Variants in KATNB1 observed in about 807,000 individuals in gnomAD.
KATNB1 encodes katanin p80 WD40 repeat-containing subunit B1.
KATNB1 carries 38 observed loss-of-function variants against 82.3 expected under a neutral mutation model. The observed-to-expected ratio is 0.46, with a 90% confidence interval of 0.36 to 0.61. KATNB1 has a LOEUF of 0.61. Among genes scored for constraint, KATNB1 ranks in the 20% least tolerant of loss-of-function variants. The pLI, the probability that KATNB1 is intolerant of heterozygous loss-of-function variation, is 0.00. For missense variants in KATNB1, 749 were observed against 915.7 expected (o/e 0.82, Z 2.35); for synonymous variants, 361 against 368.7 (o/e 0.98, Z 0.24).
rs781819158 is a variant in KATNB1 at position 57,751,907 on chromosome 16, G to A, written c.517-33G>A. ...GGAGGGTGGGCAGCCAAGATGCCTG[G>A]TCACCCTGACCTCCTCCCTGCCCTG... On this transcript the variant is annotated intron_variant, in intron 7 of 19. Coordinates refer to ENST00000379661, the MANE Select transcript of KATNB1 (RefSeq NM_005886.3). The surrounding 1 kb of genome is among the most constrained non-coding windows in gnomAD (Gnocchi z 6.3). 1.3e-6 allele frequency: 2 copies of A among 1,556,402 alleles called. No homozygotes were observed. The highest frequency in any genetic ancestry group is 2.2e-5 in the South Asian group (2 of 89,366).
In KATNB1 at chr16:57,752,781, C is replaced by G. The variant is rs781979251; in HGVS notation, c.708C>G (p.Ser236Arg). 2 of 1,609,766 alleles carry G rather than the reference C, an allele frequency of 1.2e-6. No homozygotes were observed. Among genetic ancestry groups the G allele is most frequent in the Non-Finnish European group, 1.7e-6 (2 of 1,179,258 alleles). ...CIEGEPGPVR[S>R]VLFNPDGCCL... Reference sequence around the variant, plus strand: ...GGCCATCTCTCGCCTGGCCCAGGAGCGTCCTCTTCAACCCAGACGGCTGCT... The same window carrying G: ...GGCCATCTCTCGCCTGGCCCAGGAGGGTCCTCTTCAACCCAGACGGCTGCT... The change falls in exon 10 of 20, where the codon AGC (serine) becomes AGG (arginine). Residue 236 changes from serine (S) to arginine (R), a missense_variant. Ser to Arg is a moderately radical substitution (Grantham distance 110). Coordinates refer to ENST00000379661, the MANE Select transcript of KATNB1 (RefSeq NM_005886.3).
In KATNB1 at chr16:57,757,024, T is replaced by C. The variant is rs1260611770; in HGVS notation, c.*78T>C. ...CCACTCCTGTTCCTTGTGCACCCAC[T>C]GGCCCATGAGCCTCTGCCTGGCCCC... On this transcript the variant is annotated 3_prime_UTR_variant, in exon 20 of 20. Transcript: ENST00000379661. The C allele has an allele frequency of 5.0e-6, 7 of 1,387,082 alleles. No homozygotes were observed. Among genetic ancestry groups the C allele is most frequent in the Non-Finnish European group, 6.6e-6 (7 of 1,065,368 alleles). The allele number at this position is 1,387,082 out of a possible 1,614,324, so 85.9% of individuals were successfully genotyped here.
At position 57,755,195 on chromosome 16, in the gene KATNB1, C is replaced by A; in HGVS notation, c.1373C>A (p.Thr458Asn). ...PKAEPAIIPA[T>N]RNEPIGLKAS... ...GCTGAGCCTGCCATCATCCCTGCCA[C>A]CCGGAACGAGCCCATCGGGCTGAAG... The change falls in exon 15 of 20, where the codon ACC (threonine) becomes AAC (asparagine). Residue 458 changes from threonine to asparagine, a missense_variant. Physicochemically the swap from Thr to Asn is moderately conservative, Grantham distance 65. Transcript: ENST00000379661. The A allele has an allele frequency of 6.2e-7, 1 of 1,612,218 alleles. No homozygotes were observed. The highest frequency in any genetic ancestry group is 1.1e-5 in the South Asian group (1 of 91,078).
At chr16:57,741,162 G>A (rs1248484863) in intron 2 of KATNB1, among the ~76,000 whole-genome samples, 1 of 152,330 alleles carries the variant, frequency 6.6e-6, no homozygotes, top group Non-Finnish European at 1.5e-5. Context: ...TTGTCTAGAG[G>A]TGACTTCGGT....
intron 4 of KATNB1, among the ~76,000 whole-genome samples, chr16:57,744,740 G>T (rs1555580915): frequency 7.0e-6 from 1 of 143,392 alleles, no homozygotes; most frequent in Non-Finnish European, 1.5e-5. Flanking sequence ...TGTGTGTTTG[G>T]ATGTATGTGT....
chr16:57,755,972 C>T lies in KATNB1; in HGVS notation c.1644-20C>T. ...AGGGGCAGGGCTGGGCTGATGGCAG[C>T]ATGTCCTGGCCTCTCCTAGCTCCCT... is the stretch of plus-strand genomic sequence containing the variant. On this transcript the variant is annotated intron_variant, in intron 17 of 19. Coordinates refer to ENST00000379661, the MANE Select transcript of KATNB1 (RefSeq NM_005886.3). 1 of 1,613,192 alleles carries T rather than the reference C, an allele frequency of 6.2e-7. No individual in the cohort carries two copies. The highest frequency in any genetic ancestry group is 8.5e-7 in the Non-Finnish European group (1 of 1,179,706).
chr16:57,756,334 CT>C, intron 18 of KATNB1, 21 bp from the exon 19 acceptor site: 1 of 1,600,114 alleles, frequency 6.2e-7, no homozygotes, highest in Non-Finnish European at 8.6e-7. Flanking sequence ...CCATCTGTGA[CT>C]TCATCCATCT....
intron 4 of KATNB1, among the ~76,000 whole-genome samples, 193 bp downstream of exon 4, chr16:57,744,704 T>A (rs1208947457): frequency 3.4e-5 from 5 of 149,126 alleles, no homozygotes; most frequent in African/African-American, 1.2e-4. Flanking sequence ...CTCGTGTGGG[T>A]GGGGGGATGT....
chr16:57,747,071 G>A (rs1335957885), intron 4 of KATNB1, among the ~76,000 whole-genome samples: 1 of 152,110 alleles, frequency 6.6e-6, no homozygotes, highest in Non-Finnish European at 1.5e-5. Flanking sequence ...TAGTAGAGAC[G>A]GGGTTTCTCC....
In KATNB1 at chr16:57,751,638, CAG is replaced by C; in HGVS notation, c.433-2_433-1del. ...GGTGAGCTCATGCCGTGTCCTCCCTCAGGGGCACAGCCAGGCCGTGCGGTGTC... is the reference window on the plus strand; with the variant it reads ...GGTGAGCTCATGCCGTGTCCTCCCTCGGGCACAGCCAGGCCGTGCGGTGTC... On this transcript the variant is annotated splice_acceptor_variant, in intron 6 of 19. Coordinates refer to ENST00000379661, the MANE Select transcript of KATNB1 (RefSeq NM_005886.3). LOFTEE classifies it high-confidence loss of function. The surrounding 1 kb of genome is among the most constrained non-coding windows in gnomAD (Gnocchi z 6.3). 1 of 1,610,812 alleles carries C rather than the reference CAG, an allele frequency of 6.2e-7. No homozygotes were observed. The highest frequency in any genetic ancestry group is 8.5e-7 in the Non-Finnish European group (1 of 1,179,918).
At chr16:57,749,501 T>C (rs1394521989) in intron 4 of KATNB1, among the ~76,000 whole-genome samples, 1 of 152,180 alleles carries the variant, frequency 6.6e-6, no homozygotes, top group African/African-American at 2.4e-5. Context: ...ATATATGGAA[T>C]CTTGAATACC....
Position 57,751,421 on chromosome 16 carries a change from A to G in KATNB1, c.432+119A>G. On this transcript the variant is annotated intron_variant, in intron 6 of 19. Coordinates refer to ENST00000379661, the MANE Select transcript of KATNB1 (RefSeq NM_005886.3). This position sits in a 1 kb window ranked among gnomAD's most constrained non-coding sequence, Gnocchi z 6.3. Reference sequence around the variant, plus strand: ...CTGTCCCACATGGGTGATAACATAAAACATAGACCTGGAGCTGAGCAGGAG... The same window carrying G: ...CTGTCCCACATGGGTGATAACATAAGACATAGACCTGGAGCTGAGCAGGAG... 2 of 1,118,634 alleles carry G rather than the reference A, an allele frequency of 1.8e-6. No individual in the cohort carries two copies. Among genetic ancestry groups the G allele is most frequent in the East Asian group, 4.8e-5 (2 of 41,602 alleles). The allele number at this position is 1,118,634 out of a possible 1,614,324, so 69.3% of individuals were successfully genotyped here. A position where few individuals can be genotyped will look rare whatever the true frequency, so the allele number is the denominator to read the frequency against.
At chr16:57,750,548 C>T (rs1177611093) in intron 4 of KATNB1, among the ~76,000 whole-genome samples, 1 of 152,142 alleles carries the variant, frequency 6.6e-6, no homozygotes, top group Non-Finnish European at 1.5e-5. Context: ...ATTGCTTGAA[C>T]CCGGGAGGCA....
chr16:57,751,715 C>T lies in KATNB1; in HGVS notation c.507C>T (p.His169=), dbSNP rs781866079. Residue 169 remains histidine, a synonymous_variant, in exon 7 of 20, where the codon CAC becomes CAT. Coordinates refer to ENST00000379661, the MANE Select transcript of KATNB1 (RefSeq NM_005886.3). The surrounding 1 kb of genome is among the most constrained non-coding windows in gnomAD (Gnocchi z 6.3). ...GGTTGGCGTCGGCCGCAGATGACCA[C>T]ACCGTGAAGGTAGCTCCCGGCCTGA... ...GKWLASAADD[H]TVKLWDLTAG... is the part of the protein sequence containing the mutation. 87 of 1,609,884 alleles carry T rather than the reference C, an allele frequency of 5.4e-5. No individual in the cohort carries two copies. Among genetic ancestry groups the T allele is most frequent in the Non-Finnish European group, 7.0e-5 (83 of 1,179,994 alleles).
At chr16:57,754,823 T>G in intron 13 of KATNB1, 107 bp from the exon 14 acceptor site, 1 of 1,174,222 alleles carries the variant, frequency 8.5e-7, no homozygotes, top group South Asian at 1.3e-5. Flanking sequence ...CCCATGCTCC[T>G]GCTCCATCCC....
rs375814930 is a variant in KATNB1 at position 57,752,537 on chromosome 16, C to T, written c.640C>T (p.Arg214Cys). 22 of 1,564,880 alleles carry T rather than the reference C, an allele frequency of 1.4e-5. No individual in the cohort carries two copies. Among genetic ancestry groups the T allele is most frequent in the African/African-American group, 2.7e-5 (2 of 74,234 alleles). ...GCTTGGCTGCCTTTGCAGGACAATC[C>T]GCTTCTGGGACCTGGAGAAGTTCCA... is the stretch of plus-strand genomic sequence containing the variant. ...LASGSSDRTI[R>C]FWDLEKFQVV... The change falls in exon 9 of 20, where the codon CGC (arginine) becomes TGC (cysteine). Residue 214 changes from arginine to cysteine, a missense_variant. This residue lies in a region of KATNB1 where 247 missense variants were observed against 349.4 expected (regional missense o/e 0.71). Transcript: ENST00000379661.
intron 13 of KATNB1, 42 bp from the exon 14 acceptor site, chr16:57,754,887 GC>G (rs1567903267): frequency 6.2e-7 from 1 of 1,608,048 alleles, no homozygotes. Flanking sequence ...TTCTTGCCAG[GC>G]CCTTCTGGCC....
chr16:57,741,842 G>A (rs782652522), intron 3 of KATNB1, 25 bp downstream of exon 3: 4 of 1,607,504 alleles, frequency 2.5e-6, no homozygotes, highest in East Asian at 2.2e-5. Flanking sequence ...CTGGCGGGGG[G>A]TCAGGACAAG....
At position 57,741,841 on chromosome 16, in the gene KATNB1, G is replaced by C. The variant is rs782368148; in HGVS notation, c.171+24G>C. 2.4e-5 allele frequency: 39 copies of C among 1,607,644 alleles called. 1 individual carries two copies. The South Asian group carries it at 4.2e-4, about 17-fold the overall frequency. On this transcript the variant is annotated intron_variant, in intron 3 of 19. Transcript: ENST00000379661. ...TGGTGAGCCCCGACAGCTGGCGGGG[G>C]GTCAGGACAAGGGCCTGGGGAGGGG...
Sources: allele counts gnomAD v4.1 joint callset (sites outside exome capture counted in the v4.1 genomes callset), GRCh38; gene constraint gnomAD v4.1.1; regional missense constraint gnomAD v4.1.1; non-coding constraint Gnocchi (gnomAD v3.1); transcripts MANE v1.5; gene names NCBI Gene and HGNC (gene_info 2026-07-23, HGNC 2026-07-21).